DZIP1: variants seen among roughly 807,000 people sequenced by gnomAD.
The protein encoded by DZIP1 is DAZ interacting zinc finger protein 1, also known as cilium assembly protein DZIP1.
DZIP1 carries 97 observed loss-of-function variants against 107.6 expected under a neutral mutation model. That is an observed-to-expected ratio of 0.90 (90% CI 0.77 to 1.07). DZIP1 has a LOEUF of 1.07. DZIP1 is among the 50% of genes least tolerant of loss of function. The pLI, the probability that DZIP1 is intolerant of heterozygous loss-of-function variation, is 0.00. For missense variants in DZIP1, 1,035 were observed against 1,063.6 expected, an observed-to-expected ratio of 0.97 and a Z score of 0.37; for synonymous variants, 390 against 386.4, an observed-to-expected ratio of 1.01 and a Z score of -0.11.
intron 5 of DZIP1, among the ~76,000 whole-genome samples, chr13:95,634,048 G>A (rs9561918): frequency 0.11 from 17,295 of 152,244 alleles, 995 homozygotes; most frequent in East Asian, 0.17. Context: ...TGGAGCCCCT[G>A]ATGCTGCTCT....
At position 95,581,237 on chromosome 13, in the gene DZIP1, C is replaced by CA. The variant is rs573690525; in HGVS notation, c.*996dup. On this transcript the variant is annotated 3_prime_UTR_variant, in exon 23 of 23. Transcript: ENST00000376829. ...ATAGTATAACCAAGTTATAAAAATG[C>CA]AAAAAACAGCTTATAAGAACTTTCT... 1.3e-3 allele frequency: 192 copies of CA among 152,248 alleles called. No individual in the cohort carries two copies. The highest frequency in any genetic ancestry group is 2.3e-3 in the Non-Finnish European group (155 of 67,930). The allele number at this position is 152,248 out of a possible 1,614,324, so 9.4% of individuals were successfully genotyped here.
rs1878905469 is a variant in DZIP1, at chr13:95,644,590, C to A, written c.-739G>T. On this transcript the variant is annotated 5_prime_UTR_variant, in exon 1 of 23. Transcript: ENST00000376829. ...TGTGGCGAGGCGGGTCGACTGGCGC[C>A]GCTCTAGGGCCTTCCAGACTCCGGA... The A allele has an allele frequency of 1.3e-5, 2 of 152,502 alleles. No individual in the cohort carries two copies. The highest frequency in any genetic ancestry group is 1.3e-4 in the Admixed American group (2 of 15,282). The allele number at this position is 152,502 out of a possible 1,614,324, so 9.4% of individuals were successfully genotyped here.
rs761555772 is a variant in DZIP1 at position 95,641,581 on chromosome 13, T to C, written c.311A>G (p.Glu104Gly). The change falls in exon 5 of 23, where the codon GAG (glutamate) becomes GGG (glycine). Residue 104 changes from glutamate (E) to glycine (G), a missense_variant. Transcript: ENST00000376829. This position sits in a 1 kb window ranked among gnomAD's most constrained non-coding sequence, Gnocchi z 4.3. Reference sequence around the variant, plus strand: ...CCCCGACTGGCAGTGTGGGCACTTCTCGTCTTCCAGCTTGCAGAAGGTGAT... The same window carrying C: ...CCCCGACTGGCAGTGTGGGCACTTCCCGTCTTCCAGCTTGCAGAAGGTGAT... Reference protein sequence around the residue: ...MNITFCKLEDEKCPHCQSGVD... With the variant: ...MNITFCKLEDGKCPHCQSGVD... 2 of 1,613,636 alleles carry C rather than the reference T, an allele frequency of 1.2e-6. No individual in the cohort carries two copies. The highest frequency in any genetic ancestry group is 2.2e-5 in the South Asian group (2 of 91,090).
chr13:95,584,257 G>A (rs2044088213), intron 22 of DZIP1, among the ~76,000 whole-genome samples: 1 of 144,874 alleles, frequency 6.9e-6, no homozygotes, highest in African/African-American at 2.6e-5. Flanking sequence ...TTACAGGCGT[G>A]AGCCACTGCG....
At chr13:95,594,451 CAGTT>C (rs990755059) in intron 15 of DZIP1, among the ~76,000 whole-genome samples, 2 of 152,042 alleles carry the variant, frequency 1.3e-5, no homozygotes, top group Non-Finnish European at 2.9e-5. Flanking sequence ...CAAGCTCACT[CAGTT>C]AGAATTTATG....
chr13:95,587,000 C>G (rs956889618), intron 20 of DZIP1, among the ~76,000 whole-genome samples: 2 of 152,096 alleles, frequency 1.3e-5, no homozygotes, highest in Admixed American at 1.3e-4. Context: ...ATTTCTAAAC[C>G]CCATTGCTTA....
At chr13:95,614,801 T>C (rs908561278) in intron 10 of DZIP1, among the ~76,000 whole-genome samples, 11 of 152,156 alleles carry the variant, frequency 7.2e-5, no homozygotes, top group Non-Finnish European at 1.5e-5. Flanking sequence ...ATCGCTTATC[T>C]GTGACTGCCT....
chr13:95,599,726 C>A (rs982163544), intron 14 of DZIP1, among the ~76,000 whole-genome samples: 5 of 152,136 alleles, frequency 3.3e-5, no homozygotes, highest in Non-Finnish European at 7.3e-5. Flanking sequence ...CACAAGGGCA[C>A]AACTGCAAAA....
rs1878501680 is a variant in DZIP1 at position 95,641,553 on chromosome 13, C to T, written c.339G>A (p.Val113=). The T allele has an allele frequency of 1.2e-6, 2 of 1,613,968 alleles. No homozygotes were observed. Among genetic ancestry groups the T allele is most frequent in the Non-Finnish European group, 1.7e-6 (2 of 1,180,046 alleles). ...GGATGAGCTTCAGCAGCACCGGGTC[C>T]ACCCCCGACTGGCAGTGTGGGCACT... ...DEKCPHCQSG[V]DPVLLKLIRL... is the part of the protein sequence containing the mutation. Residue 113 remains valine (V), a synonymous_variant, in exon 5 of 23, where the codon GTG becomes GTA. Transcript: ENST00000376829. The surrounding 1 kb of genome is among the most constrained non-coding windows in gnomAD (Gnocchi z 4.3).
intron 14 of DZIP1, among the ~76,000 whole-genome samples, chr13:95,600,586 TA>T (rs55648942): frequency 0.14 from 19,690 of 145,710 alleles, 1,576 homozygotes; most frequent in Non-Finnish European, 0.18. Context: ...GATAGATAGA[TA>T]GATGATAGAT....
chr13:95,591,139 T>C (rs1033155528), intron 16 of DZIP1, among the ~76,000 whole-genome samples: 1 of 151,536 alleles, frequency 6.6e-6, no homozygotes, highest in East Asian at 1.9e-4. Flanking sequence ...AATGATTCTC[T>C]TGCCTCAGCC....
chr13:95,606,549 G>A (rs371363021), intron 13 of DZIP1, among the ~76,000 whole-genome samples: 18 of 152,334 alleles, frequency 1.2e-4, no homozygotes, highest in East Asian at 1.2e-3. Context: ...GTTCATCCAT[G>A]CTGTAGCATG....
chr13:95,587,521 T>C lies in DZIP1; in HGVS notation c.2218+18A>G. ...CCTAAATACAGTTTCCAGAGAGTTT[T>C]CCAAGGTAACAGCTCACCTGCGGGC... On this transcript the variant is annotated intron_variant, in intron 20 of 22. Transcript: ENST00000376829. The C allele has an allele frequency of 1.9e-6, 3 of 1,612,208 alleles. No homozygotes were observed. The highest frequency in any genetic ancestry group is 2.5e-6 in the Non-Finnish European group (3 of 1,178,698).
Position 95,587,542 on chromosome 13 carries a change from C to A in DZIP1, c.2215G>T (p.Ala739Ser), listed in dbSNP as rs376315570. The change falls in exon 20 of 23, where the codon GCA (alanine) becomes TCA (serine). Residue 739 changes from alanine to serine, a missense_variant. By Grantham distance (99) the Ala-to-Ser change is moderately conservative. Transcript: ENST00000376829. The stretch of plus-strand genomic sequence containing the variant: ...GTTTTCCAAGGTAACAGCTCACCTG[C>A]GGGCTTGGGAGAATCATCAGTGTCC... ...IEDTDDSPKP[A>S]GVAVKTPTEK... The A allele has an allele frequency of 8.7e-6, 14 of 1,613,560 alleles. No individual in the cohort carries two copies. The highest frequency in any genetic ancestry group is 6.7e-5 in the African/African-American group (5 of 74,906).
chr13:95,584,625 A>G, intron 22 of DZIP1, 111 bp downstream of exon 22: 2 of 1,472,482 alleles, frequency 1.4e-6, no homozygotes, highest in Non-Finnish European at 1.8e-6. Flanking sequence ...AAGCACTGAC[A>G]GCTTTTTTGT....
rs543508440 is a variant in DZIP1 at position 95,609,447 on chromosome 13, A to G, written c.1420+10T>C. On this transcript the variant is annotated intron_variant, in intron 13 of 22. Transcript: ENST00000376829. ...ACCTTTGGAGCCCTGCATCTATTATAGGAACTTACTAGGCACAGCTGGAGC... is the reference window on the plus strand; with the variant it reads ...ACCTTTGGAGCCCTGCATCTATTATGGGAACTTACTAGGCACAGCTGGAGC... The G allele has an allele frequency of 5.2e-5, 81 of 1,553,360 alleles. No individual in the cohort carries two copies. The African/African-American group carries it at 8.4e-4, about 16-fold the overall frequency.
chr13:95,632,142 C>G (rs1404249014), intron 6 of DZIP1, among the ~76,000 whole-genome samples: 1 of 152,134 alleles, frequency 6.6e-6, no homozygotes, highest in Non-Finnish European at 1.5e-5. Flanking sequence ...GACCTCATCA[C>G]TTTCTATTCT....
At chr13:95,605,239 G>A (rs2044737456) in intron 14 of DZIP1, among the ~76,000 whole-genome samples, 1 of 152,150 alleles carries the variant, frequency 6.6e-6, no homozygotes, top group African/African-American at 2.4e-5. Flanking sequence ...GACCAAAAAT[G>A]AAAGAGTGAA....
chr13:95,600,121 A>G (rs556058172), intron 14 of DZIP1, among the ~76,000 whole-genome samples: 4 of 152,280 alleles, frequency 2.6e-5, no homozygotes, highest in Admixed American at 1.3e-4. Context: ...ATGCATACAC[A>G]AGGAAGCCTG....
Sources: gnomAD v4.1 joint callset for allele counts (sites outside exome capture counted in the v4.1 genomes callset) on GRCh38, gnomAD v4.1.1 for gene constraint, Gnocchi (gnomAD v3.1) non-coding constraint, MANE v1.5 for transcripts, NCBI Gene and HGNC (gene_info 2026-07-23, HGNC 2026-07-21) for gene names.